ZNF385D: variants seen among roughly 807,000 people sequenced by gnomAD.
ZNF385D encodes zinc finger protein 659.
A neutral mutation model predicts 35.8 loss-of-function variants in ZNF385D; 15 were observed. The observed-to-expected ratio is 0.42, with a 90% confidence interval of 0.28 to 0.64. ZNF385D has a LOEUF of 0.64. ZNF385D is among the 30% of genes least tolerant of loss of function. ZNF385D has a pLI of 0.23. For synonymous variants in ZNF385D, 212 were observed against 186.8 expected (o/e 1.13, Z -1.10); for missense variants, 474 against 494.6 (o/e 0.96, Z 0.39).
intron 3 of ZNF385D, among the ~76,000 whole-genome samples, chr3:22,113,865 G>C (rs1243385906): frequency 6.6e-6 from 1 of 152,004 alleles, no homozygotes; most frequent in African/African-American, 2.4e-5. Context: ...CTATTACCCA[G>C]AATTACAGCT....
At chr3:21,704,105 A>G (rs2067806567) in intron 1 of ZNF385D, among the ~76,000 whole-genome samples, 1 of 152,212 alleles carries the variant, frequency 6.6e-6, no homozygotes, top group Non-Finnish European at 1.5e-5. Flanking sequence ...AAAAGACAAA[A>G]CACATATTTG....
At chr3:22,320,805 CAAAGT>C (rs1397194486) in intron 2 of ZNF385D, among the ~76,000 whole-genome samples, 2 of 151,474 alleles carry the variant, frequency 1.3e-5, no homozygotes, top group Non-Finnish European at 2.9e-5. Flanking sequence ...AGTTTTAAAT[CAAAGT>C]AATTTTTTGA....
intron 1 of ZNF385D, among the ~76,000 whole-genome samples, chr3:21,679,140 A>G (rs2066820356): frequency 6.6e-6 from 1 of 152,020 alleles, no homozygotes; most frequent in South Asian, 2.1e-4. Context: ...TTCATGTCCA[A>G]AGGAAATTAA....
intron 3 of ZNF385D, among the ~76,000 whole-genome samples, chr3:21,941,490 C>CTTTTTTTTTTTTTTTTTTTTT (rs531693623): frequency 1.6e-5 from 1 of 63,586 alleles, no homozygotes; most frequent in Non-Finnish European, 2.7e-5. Context: ...TTCCATTACT[C>CTTTTTTTTTTTTTTTTTTTTT]TTTTTTTTTT....
intron 3 of ZNF385D, among the ~76,000 whole-genome samples, chr3:21,943,903 C>G (rs1701655136): frequency 6.6e-6 from 1 of 152,114 alleles, no homozygotes; most frequent in Non-Finnish European, 1.5e-5. Flanking sequence ...AGAATTATGA[C>G]TGTGTTAAAA....
chr3:22,255,398 G>T (rs1006260133), intron 2 of ZNF385D, among the ~76,000 whole-genome samples: 1 of 151,514 alleles, frequency 6.6e-6, no homozygotes, highest in South Asian at 2.1e-4. Flanking sequence ...TTATCCTACA[G>T]ATATGAAATA....
chr3:21,705,035 TATTATC>T (rs1264825273), intron 1 of ZNF385D, among the ~76,000 whole-genome samples: 2 of 152,338 alleles, frequency 1.3e-5, no homozygotes, highest in East Asian at 3.9e-4. Context: ...TCCAGACATG[TATTATC>T]ATTCAAGAAT....
At chr3:22,131,575 C>T (rs139073941) in intron 3 of ZNF385D, among the ~76,000 whole-genome samples, 1 of 152,004 alleles carries the variant, frequency 6.6e-6, no homozygotes, top group East Asian at 1.9e-4. Context: ...GGAACTGTTA[C>T]AGGATGGAAT....
intron 2 of ZNF385D, among the ~76,000 whole-genome samples, chr3:22,179,324 G>A (rs1328935455): frequency 6.6e-6 from 1 of 152,144 alleles, no homozygotes; most frequent in African/African-American, 2.4e-5. Context: ...TGGATTCCTA[G>A]GTATTTTATT....
chr3:21,934,381 A>C (rs1031028942), intron 3 of ZNF385D, among the ~76,000 whole-genome samples: 2 of 152,222 alleles, frequency 1.3e-5, no homozygotes, highest in Admixed American at 6.5e-5. Flanking sequence ...GCAAGAAATA[A>C]CTTTCAATAG....
chr3:22,066,883 T>C (rs546219178), intron 3 of ZNF385D, among the ~76,000 whole-genome samples: 1 of 152,356 alleles, frequency 6.6e-6, no homozygotes, highest in African/African-American at 2.4e-5. Flanking sequence ...AACTTTTACC[T>C]ACGCTGAATG....
At chr3:21,509,085 G>A (rs114666741) in intron 4 of ZNF385D, among the ~76,000 whole-genome samples, 1,763 of 151,318 alleles carry the variant, frequency 0.012, 32 homozygotes, top group African/African-American at 0.041. Flanking sequence ...CTTAACTCAA[G>A]TTAGCAGCTC....
chr3:22,212,458 A>G (rs562467472), intron 2 of ZNF385D, among the ~76,000 whole-genome samples: 1 of 152,196 alleles, frequency 6.6e-6, no homozygotes, highest in South Asian at 2.1e-4. Context: ...CACCTGTTAC[A>G]AAGTAATACA....
intron 3 of ZNF385D, among the ~76,000 whole-genome samples, chr3:21,824,301 G>A (rs551147068): frequency 6.6e-6 from 1 of 152,272 alleles, no homozygotes; most frequent in South Asian, 2.1e-4. Flanking sequence ...AAAAGGCTAT[G>A]TAGTAATGGT....
At chr3:21,785,357 C>T (rs915488508) in intron 3 of ZNF385D, among the ~76,000 whole-genome samples, 1 of 152,078 alleles carries the variant, frequency 6.6e-6, no homozygotes, top group Non-Finnish European at 1.5e-5. Context: ...TCATCATTTC[C>T]TACAGTTACC....
chr3:22,020,860 A>G (rs2125454858), intron 3 of ZNF385D, among the ~76,000 whole-genome samples: 1 of 152,180 alleles, frequency 6.6e-6, no homozygotes, highest in African/African-American at 2.4e-5. Context: ...AACAGCAAAG[A>G]TATGGAATCA....
chr3:21,765,212 G>C (rs1279417230), intron 3 of ZNF385D, among the ~76,000 whole-genome samples: 1 of 150,820 alleles, frequency 6.6e-6, no homozygotes, highest in Non-Finnish European at 1.5e-5. Flanking sequence ...ATCTGTGTGT[G>C]TGTGTGAGAG....
At chr3:22,122,133 T>C (rs1292630694) in intron 3 of ZNF385D, among the ~76,000 whole-genome samples, 2 of 152,086 alleles carry the variant, frequency 1.3e-5, no homozygotes, top group Non-Finnish European at 2.9e-5. Flanking sequence ...TTAAACCCCT[T>C]CCTTCCCCCT....
At chr3:22,192,211 T>C (rs1696101203) in intron 2 of ZNF385D, among the ~76,000 whole-genome samples, 1 of 152,166 alleles carries the variant, frequency 6.6e-6, no homozygotes, top group East Asian at 1.9e-4. Context: ...CTGAGAGATT[T>C]GGTGTTCAGA....
Sources: gnomAD v4.1 joint callset for allele counts (sites outside exome capture counted in the v4.1 genomes callset) on GRCh38, gnomAD v4.1.1 for gene constraint, MANE v1.5 for transcripts, NCBI Gene and HGNC (gene_info 2026-07-23, HGNC 2026-07-21) for gene names.